The following DNMBP variants were observed in gnomAD, a reference collection of about 807,000 sequenced individuals.
DNMBP encodes the protein dynamin-binding protein.
DNMBP carries 87 observed loss-of-function variants against 150.0 expected under a neutral mutation model. That is an observed-to-expected ratio of 0.58 (90% CI 0.49 to 0.69). The LOEUF is 0.69. DNMBP is among the 30% of genes least tolerant of loss of function. The pLI is 0.00. For missense variants in DNMBP, 1,774 were observed against 1,949.0 expected, an observed-to-expected ratio of 0.91 and a Z score of 1.69; for synonymous variants, 711 against 750.4, an observed-to-expected ratio of 0.95 and a Z score of 0.86.
intron 3 of DNMBP, 29 bp from the exon 4 acceptor site, chr10:99,957,234 C>G (rs757680761): frequency 6.3e-7 from 1 of 1,577,364 alleles, no homozygotes; most frequent in Non-Finnish European, 8.6e-7. Flanking sequence ...GAGATGGTGA[C>G]CTCAGTCATC....
chr10:99,939,990 T>TG lies in DNMBP; in HGVS notation c.2260+15223dup, dbSNP rs746929557. ...TAGCCCCCTGGCCACTAAACTGCCC[T>TG]GGAAAAACCTCTGCATTTTTTAGAC... On this transcript the variant is annotated intron_variant, in intron 4 of 16. Transcript: ENST00000324109. 3.6e-4 allele frequency among the ~76,000 whole-genome samples: 55 copies of TG among 152,178 alleles called. 1 individual carries two copies. Among genetic ancestry groups the TG allele is most frequent in the Non-Finnish European group, 6.9e-4 (47 of 68,038 alleles).
chr10:99,897,798 A>G (rs542514246), intron 9 of DNMBP, among the ~76,000 whole-genome samples: 1 of 152,260 alleles, frequency 6.6e-6, no homozygotes, highest in East Asian at 1.9e-4. Context: ...CTGTAATTCC[A>G]ACTACTTGGG....
chr10:99,970,747 C>T (rs185555532), intron 2 of DNMBP, among the ~76,000 whole-genome samples: 2 of 151,718 alleles, frequency 1.3e-5, no homozygotes, highest in South Asian at 2.1e-4. Flanking sequence ...CCGAGGCAGG[C>T]GGATCATGAC....
intron 1 of DNMBP, among the ~76,000 whole-genome samples, chr10:99,973,505 T>G (rs1166997299): frequency 6.6e-6 from 1 of 152,190 alleles, no homozygotes; most frequent in Admixed American, 6.5e-5. Context: ...TCTTAAAGAT[T>G]AGGATACTAA....
At position 99,922,502 on chromosome 10, in the gene DNMBP, G is replaced by GTTTTT. The variant is rs71189108; in HGVS notation, c.2261-13361_2261-13357dup. On this transcript the variant is annotated intron_variant, in intron 4 of 16. Transcript: ENST00000324109. ...GAAAACACATAACCTAGCTGCTGCTGTTTTTTTTTTTTTTTTTTTTTTCTT... is the reference window on the plus strand; with the variant it reads ...GAAAACACATAACCTAGCTGCTGCTGTTTTTTTTTTTTTTTTTTTTTTTTTTTCTT... 8.9e-5 allele frequency among the ~76,000 whole-genome samples: 7 copies of GTTTTT among 78,776 alleles called. 1 individual carries two copies. Among genetic ancestry groups the GTTTTT allele is most frequent in the African/African-American group, 2.0e-4 (4 of 19,558 alleles). The allele number at this position is 78,776 out of a possible 152,430, so 51.7% of individuals were successfully genotyped here.
chr10:99,902,640 A>T (rs2039761794), intron 6 of DNMBP, among the ~76,000 whole-genome samples: 1 of 145,354 alleles, frequency 6.9e-6, no homozygotes, highest in African/African-American at 2.6e-5. Context: ...AAAAAAAAAA[A>T]TTGTTGGCTG....
In DNMBP at chr10:99,885,998, G is replaced by T. The variant is rs1590210924; in HGVS notation, c.3619-132C>A. ...TAGAACCACTGGAAGCTAAAGTTCA[G>T]CTGCAGCTCATTCTCTGAGCTACCG... is the stretch of plus-strand genomic sequence containing the variant. On this transcript the variant is annotated intron_variant, in intron 13 of 16. Coordinates refer to ENST00000324109, the MANE Select transcript of DNMBP (RefSeq NM_015221.4). 3 of 935,384 alleles carry T rather than the reference G, an allele frequency of 3.2e-6. No individual in the cohort carries two copies. In the East Asian group the frequency reaches 7.9e-5, roughly 25 times the overall value. 57.9% of individuals were successfully genotyped at this position (935,384 alleles called of 1,614,324 possible). A position where few individuals can be genotyped will look rare whatever the true frequency, so the allele number is the denominator to read the frequency against.
chr10:99,972,743 T>C (rs1435594384), intron 1 of DNMBP, among the ~76,000 whole-genome samples: 9 of 152,310 alleles, frequency 5.9e-5, no homozygotes, highest in Non-Finnish European at 1.5e-5. Context: ...TCTGAGTAGC[T>C]GGAACTACAG....
At chr10:99,993,840 C>T (rs2040923894) in intron 1 of DNMBP, among the ~76,000 whole-genome samples, 1 of 152,068 alleles carries the variant, frequency 6.6e-6, no homozygotes, top group South Asian at 2.1e-4. Flanking sequence ...ATAGAGAAGG[C>T]ATACATGAAT....
Position 99,969,244 on chromosome 10 carries a change from A to C in DNMBP, c.146-7T>G, listed in dbSNP as rs769489239. The C allele has an allele frequency of 2.5e-6, 4 of 1,613,764 alleles. No individual in the cohort carries two copies. The highest frequency in any genetic ancestry group is 3.4e-6 in the Non-Finnish European group (4 of 1,179,846). On this transcript the variant is annotated splice_polypyrimidine_tract_variant and splice_region_variant and intron_variant, in intron 2 of 16. Transcript: ENST00000324109. ...AAACTGCTGGGGAATTGTCCTGAAA[A>C]TAAAAGCAAACATATTAAATTTTAA...
chr10:99,967,276 G>A (rs1022053667), intron 3 of DNMBP, among the ~76,000 whole-genome samples: 21 of 151,866 alleles, frequency 1.4e-4, no homozygotes, highest in African/African-American at 9.7e-5. Flanking sequence ...ATAAATAATC[G>A]CAGCACTTTG....
chr10:99,987,468 T>TCCTAGCAGAGGTACAGGGTG (rs1427988698), intron 1 of DNMBP, among the ~76,000 whole-genome samples: 1 of 152,192 alleles, frequency 6.6e-6, no homozygotes, highest in East Asian at 1.9e-4. Context: ...GTGCAGTGGT[T>TCCTAGCAGAGGTACAGGGTG]CACGCCTGTA....
chr10:99,993,439 G>T (rs1383058141), intron 1 of DNMBP, among the ~76,000 whole-genome samples: 2 of 152,208 alleles, frequency 1.3e-5, no homozygotes, highest in Non-Finnish European at 2.9e-5. Context: ...TTTATGGTAT[G>T]TGAATTGTAT....
chr10:99,948,896 G>A (rs545529408), intron 4 of DNMBP, among the ~76,000 whole-genome samples: 2 of 152,060 alleles, frequency 1.3e-5, no homozygotes, highest in South Asian at 4.1e-4. Context: ...CCGGGAGGCA[G>A]AAGTTGCAGT....
In DNMBP at chr10:99,908,987, A is replaced by G. The variant is rs2039862743; in HGVS notation, c.2420T>C (p.Ile807Thr). The change falls in exon 5 of 17, where the codon ATT (isoleucine) becomes ACT (threonine). Residue 807 changes from isoleucine to threonine, a missense_variant. Coordinates refer to ENST00000324109, the MANE Select transcript of DNMBP (RefSeq NM_015221.4). ...CTGCATGGGTACCATGATCCGCTCA[A>G]TACACATTTCCAGATCCCGAATGTA... is the stretch of plus-strand genomic sequence containing the variant. ...RDYIRDLEMC[I>T]ERIMVPMQQA... The G allele has an allele frequency of 6.2e-7, 1 of 1,614,172 alleles. No individual in the cohort carries two copies. Among genetic ancestry groups the G allele is most frequent in the Non-Finnish European group, 8.5e-7 (1 of 1,180,020 alleles).
chr10:99,977,483 G>A (rs948381880), intron 1 of DNMBP, among the ~76,000 whole-genome samples: 2 of 152,214 alleles, frequency 1.3e-5, no homozygotes, highest in African/African-American at 4.8e-5. Flanking sequence ...TATATGGCAT[G>A]ATTTCAGGGA....
intron 4 of DNMBP, 127 bp from the exon 5 acceptor site, chr10:99,909,273 A>AT: frequency 1.4e-6 from 1 of 711,010 alleles, no homozygotes; most frequent in Non-Finnish European, 2.3e-6. Context: ...TCAGGAAATC[A>AT]GATCGCACAT....
chr10:99,973,312 CAAAAACCCTAGACCTCTCAGTGATAG>C (rs1159933444), intron 1 of DNMBP, among the ~76,000 whole-genome samples: 2 of 152,094 alleles, frequency 1.3e-5, no homozygotes, highest in Non-Finnish European at 2.9e-5. Flanking sequence ...CAAAACAAAA[CAAAAACCCTAGACCTCTCAGTGATAG>C]AAAAGATTCA....
At chr10:99,972,315 G>A (rs2040687378) in intron 1 of DNMBP, among the ~76,000 whole-genome samples, 181 bp from the exon 2 acceptor site, 1 of 152,202 alleles carries the variant, frequency 6.6e-6, no homozygotes, top group South Asian at 2.1e-4. Context: ...CATCGCCCAG[G>A]CTGGAGTGCA....
Sources: allele counts gnomAD v4.1 joint callset (sites outside exome capture counted in the v4.1 genomes callset), GRCh38; gene constraint gnomAD v4.1.1; transcripts MANE v1.5; gene names NCBI Gene and HGNC (gene_info 2026-07-23, HGNC 2026-07-21).